The following PIGA variants were observed in gnomAD, a reference collection of about 807,000 sequenced individuals.
PIGA encodes the protein phosphatidylinositol N-acetylglucosaminyltransferase subunit A.
Under a neutral mutation model 17.1 loss-of-function variants are expected in PIGA, and 3 were observed. The ratio of observed to expected loss-of-function variants is 0.18; its 90% CI spans 0.08 to 0.45. The LOEUF (loss-of-function observed/expected upper bound fraction) is 0.45, where lower values mean the gene tolerates loss of function less well. PIGA is among the 20% of genes least tolerant of loss of function. PIGA has a pLI of 0.99. For synonymous variants in PIGA, 126 were observed against 135.1 expected, an observed-to-expected ratio of 0.93 and a Z score of 0.47; for missense variants, 231 against 374.1, an observed-to-expected ratio of 0.62 and a Z score of 3.16.
intron 2 of PIGA, among the ~76,000 whole-genome samples, chrX:15,330,335 T>C (rs1169792568): frequency 8.9e-6 from 1 of 111,980 alleles, no homozygotes; most frequent in Non-Finnish European, 1.9e-5. Context: ...ATGTTACTAA[T>C]GTCTTATACA....
At chrX:15,330,594 G>A (rs190468690) in intron 2 of PIGA, among the ~76,000 whole-genome samples, 35 of 111,289 alleles carry the variant, frequency 3.1e-4, no homozygotes, top group East Asian at 8.4e-4. Context: ...TGTGAGCTCT[G>A]CCCTTTACTT....
Position 15,331,626 on chromosome X carries a change from G to A in PIGA, c.305C>T (p.Thr102Ile), listed in dbSNP as rs754050083. ...LPLKVMYNQSTATTLFHSLPL... is the reference protein window; with the variant it reads ...LPLKVMYNQSIATTLFHSLPL... ...CAGACTGTGAAAGAGGGTCGTGGCTGTAGACTGGTTGTACATGACTTTCAG... is the reference window on the plus strand; with the variant it reads ...CAGACTGTGAAAGAGGGTCGTGGCTATAGACTGGTTGTACATGACTTTCAG... The change falls in exon 2 of 6, where the codon ACA becomes ATA. Residue 102 changes from threonine to isoleucine, a missense_variant. By Grantham distance (89) the Thr-to-Ile change is moderately conservative. This residue lies in a region of PIGA where 29 missense variants were observed against 36.6 expected (regional missense o/e 0.79). Transcript: ENST00000333590. 2 of 1,211,923 alleles carry A rather than the reference G, an allele frequency of 1.7e-6. No individual in the cohort carries two copies. Among genetic ancestry groups the A allele is most frequent in the South Asian group, 1.8e-5 (1 of 57,035 alleles).
Position 15,331,851 on chromosome X carries a change from G to A in PIGA, c.80C>T (p.Thr27Ile). ...LSRVSPGSLY[T>I]CRTRTHNICM... ...TATATTATGGGTACGGGTTCTACAT[G>A]TGTAAAGACTTCCAGGGCTAACCCG... Residue 27 changes from threonine to isoleucine, a missense_variant, in exon 2 of 6, where the codon ACA (threonine) becomes ATA (isoleucine). This residue lies in a region of PIGA where 29 missense variants were observed against 28.1 expected (regional missense o/e 1.03). Transcript: ENST00000333590. 1 of 1,211,788 alleles carries A rather than the reference G, an allele frequency of 8.3e-7. No individual in the cohort carries two copies. The highest frequency in any genetic ancestry group is 1.1e-6 in the Non-Finnish European group (1 of 895,448).
intron 2 of PIGA, chrX:15,330,952 G>T: frequency 7.7e-6 from 2 of 259,428 alleles, no homozygotes; most frequent in Non-Finnish European, 1.4e-5. Context: ...TTTTTAAAAA[G>T]ATCTGAAATT....
chrX:15,334,940 G>A (rs1197868044), intron 1 of PIGA, among the ~76,000 whole-genome samples: 2 of 112,074 alleles, frequency 1.8e-5, no homozygotes, highest in East Asian at 2.8e-4. Context: ...TTCCCACCCA[G>A]CCACTTAAAG....
At chrX:15,328,317 C>T (rs1430018822) in intron 2 of PIGA, 3 of 112,198 alleles carry the variant, frequency 2.7e-5, no homozygotes, top group Non-Finnish European at 5.6e-5. Context: ...TTATCAACTG[C>T]AGAATACAAA....
rs2147718557 is a variant in PIGA, at chrX:15,326,046, C to A, written c.716G>T (p.Gly239Val). 1.8e-6 allele frequency: 2 copies of A among 1,117,001 alleles called. No individual in the cohort carries two copies. Among genetic ancestry groups the A allele is most frequent in the Non-Finnish European group, 1.2e-6 (1 of 826,516 alleles). 92.1% of individuals were successfully genotyped at this position (1,117,001 alleles called of 1,213,427 possible). The part of the protein sequence containing the change: ...VVVSRLVYRK[G>V]IDLLSGIIPE... ...TATTATACCACTAAGCAAATCGATC[C>A]CTGAAAATATAAAGTTGAATGTTGG... The change falls in exon 3 of 6, where the codon GGG becomes GTG. Residue 239 changes from glycine (G) to valine (V), a missense_variant and splice_region_variant. Physicochemically the swap from Gly to Val is moderately radical, Grantham distance 109 (BLOSUM62 -3). Coordinates refer to ENST00000333590, the MANE Select transcript of PIGA (RefSeq NM_002641.4).
chrX:15,331,959 G>C lies in PIGA; in HGVS notation c.-29C>G, dbSNP rs1407178444. On this transcript the variant is annotated 5_prime_UTR_variant, in exon 2 of 6. Coordinates refer to ENST00000333590, the MANE Select transcript of PIGA (RefSeq NM_002641.4). ...GAGACGGTTTAGACATCAGTTCTTAGAGCAACCCAGTTAAGAGATGTGTCC... is the reference window on the plus strand; with the variant it reads ...GAGACGGTTTAGACATCAGTTCTTACAGCAACCCAGTTAAGAGATGTGTCC... 11 of 1,165,134 alleles carry C rather than the reference G, an allele frequency of 9.4e-6. No homozygotes were observed. Among genetic ancestry groups the C allele is most frequent in the Non-Finnish European group, 1.3e-5 (11 of 872,509 alleles).
chrX:15,325,627 T>G (rs2147718144), intron 3 of PIGA: 1 of 198,562 alleles, frequency 5.0e-6, no homozygotes, highest in East Asian at 1.1e-4. Context: ...CCTGGAAATC[T>G]GCAAACGCTT....
chrX:15,334,185 CTTTTTTT>C lies in PIGA; in HGVS notation c.-63+1309_-63+1315del, dbSNP rs35688150. Among the ~76,000 whole-genome samples, 294 of 62,920 alleles carry C rather than the reference CTTTTTTT, an allele frequency of 4.7e-3. 3 individuals carry two copies. Among genetic ancestry groups the C allele is most frequent in the African/African-American group, 0.014 (215 of 15,159 alleles). The allele number at this position is 62,920 out of a possible 115,157, so 54.6% of individuals were successfully genotyped here. On this transcript the variant is annotated intron_variant, in intron 1 of 5. Transcript: ENST00000333590. ...CTAGTCTCTCCAACAAATTCATCTA[CTTTTTTT>C]TTTTTTTTTTTTTTTTGAGACGGAG...
At position 15,319,986 on chromosome X, in the gene PIGA, C is replaced by T. The variant is rs1057038166; in HGVS notation, c.*1520G>A. 1.1e-4 allele frequency: 12 copies of T among 112,197 alleles called. No individual in the cohort carries two copies. Among genetic ancestry groups the T allele is most frequent in the African/African-American group, 3.9e-4 (12 of 30,921 alleles). 9.2% of individuals were successfully genotyped at this position (112,197 alleles called of 1,213,427 possible). On this transcript the variant is annotated 3_prime_UTR_variant, in exon 6 of 6. Transcript: ENST00000333590. ...TCATGTTTATATGTGAGTTTCTATG[C>T]ATAAAAATCCCAGTAAGACTGAATA...
At chrX:15,331,071 A>G (rs1325471116) in intron 2 of PIGA, 145 bp downstream of exon 2, 2 of 445,848 alleles carry the variant, frequency 4.5e-6, no homozygotes, top group South Asian at 4.3e-5. Context: ...ATATAAACCA[A>G]TATTAGAACT....
intron 2 of PIGA, chrX:15,328,577 T>C (rs758171831): frequency 8.9e-6 from 1 of 112,594 alleles, no homozygotes; most frequent in Non-Finnish European, 1.9e-5. Flanking sequence ...GGACCATTAA[T>C]ACAACTACTC....
chrX:15,325,634 GCTTCCAGTTAA>G (rs1921947820), intron 3 of PIGA: 1 of 197,608 alleles, frequency 5.1e-6, no homozygotes, highest in Non-Finnish European at 9.1e-6. Flanking sequence ...ATCTGCAAAC[GCTTCCAGTTAA>G]AGCAGCTGTT....
rs978567788 is a variant in PIGA at position 15,324,675 on chromosome X, C to T, written c.1178G>A (p.Arg393Lys). 8.4e-7 allele frequency: 1 copy of T among 1,196,858 alleles called. No homozygotes were observed. Among genetic ancestry groups the T allele is most frequent in the Non-Finnish European group, 1.1e-6 (1 of 882,243 alleles). ...TFYTWRNVAERTEKVYDRVSV... is the reference protein window; with the variant it reads ...TFYTWRNVAEKTEKVYDRVSV... The stretch of plus-strand genomic sequence containing the variant: ...CAGCATGTGACATACCTTTTCAGTT[C>T]TTTCTGCAACATTCCTCCAGGTGTA... Residue 393 changes from arginine (R) to lysine (K), a missense_variant, in exon 5 of 6, where the codon AGA (arginine) becomes AAA (lysine). By Grantham distance (26) the Arg-to-Lys change is conservative. Around this residue, in one of 5 missense-constraint regions of PIGA, gnomAD observed 88 missense variants for 100.5 expected, o/e 0.88. Transcript: ENST00000333590.
intron 1 of PIGA, among the ~76,000 whole-genome samples, chrX:15,333,320 A>G (rs1922223423): frequency 8.9e-6 from 1 of 112,558 alleles, no homozygotes; most frequent in Admixed American, 9.4e-5. Flanking sequence ...TATCTTTTTG[A>G]GAGCACCTTT....
chrX:15,322,697 G>C (rs1461571139), intron 5 of PIGA, among the ~76,000 whole-genome samples: 1 of 111,621 alleles, frequency 9.0e-6, no homozygotes, highest in African/African-American at 3.3e-5. Flanking sequence ...GAAAGGTACG[G>C]CATGTTTTCA....
At chrX:15,324,969 T>G (rs1278301104) in intron 4 of PIGA, 51 bp downstream of exon 4, 1 of 1,173,207 alleles carries the variant, frequency 8.5e-7, no homozygotes, top group Admixed American at 2.5e-5. Context: ...GTCTCATTAT[T>G]TTTCAAAATA....
chrX:15,324,248 C>T (rs1921902620), intron 5 of PIGA, among the ~76,000 whole-genome samples: 2 of 112,320 alleles, frequency 1.8e-5, no homozygotes, highest in African/African-American at 6.5e-5. Flanking sequence ...TAGGAAGTAG[C>T]CTGAATTAAA....
Sources: gnomAD v4.1 joint callset for allele counts (sites outside exome capture counted in the v4.1 genomes callset) on GRCh38, gnomAD v4.1.1 for gene constraint, gnomAD v4.1.1 regional missense constraint, MANE v1.5 for transcripts, NCBI Gene and HGNC (gene_info 2026-07-23, HGNC 2026-07-21) for gene names.